PDE4D: variants seen among roughly 807,000 people sequenced by gnomAD.
The protein encoded by PDE4D is phosphodiesterase 4D.
A neutral mutation model predicts 87.4 loss-of-function variants in PDE4D; 24 were observed. The ratio of observed to expected loss-of-function variants is 0.27; its 90% CI spans 0.20 to 0.39. The LOEUF (loss-of-function observed/expected upper bound fraction) is 0.39, where lower values mean the gene tolerates loss of function less well. PDE4D is among the 10% of genes least tolerant of loss of function. PDE4D has a pLI of 1.00. For synonymous variants in PDE4D, 384 were observed against 383.2 expected (o/e 1.00, Z -0.02); for missense variants, 714 against 1,041.0 (o/e 0.69, Z 4.32).
chr5:59,677,946 C>T (rs1748380911), intron 1 of PDE4D, among the ~76,000 whole-genome samples: 1 of 152,228 alleles, frequency 6.6e-6, no homozygotes, highest in East Asian at 1.9e-4. Context: ...TTCTTGGGGA[C>T]CAAAAATCTC....
At chr5:59,520,620 G>A (rs1009171669) in intron 1 of PDE4D, among the ~76,000 whole-genome samples, 3 of 151,764 alleles carry the variant, frequency 2.0e-5, no homozygotes, top group Admixed American at 6.6e-5. Context: ...AGAGGAGAAC[G>A]ATTTAAGATG....
rs144130067 is a variant in PDE4D, at chr5:59,055,877, T to C, written c.809-16906A>G. 9.8e-5 allele frequency among the ~76,000 whole-genome samples: 15 copies of C among 152,334 alleles called. No individual in the cohort carries two copies. In the East Asian group the frequency reaches 2.9e-3, roughly 29 times the overall value. On this transcript the variant is annotated intron_variant, in intron 5 of 14. Transcript: ENST00000340635. ...AATACTTGTTGAACCCCACCAGTAA[T>C]ACGAGAAGCTTGGTATTCTATGAGG...
intron 1 of PDE4D, among the ~76,000 whole-genome samples, chr5:60,380,856 G>A (rs80337991): frequency 0.014 from 2,102 of 152,214 alleles, 52 homozygotes; most frequent in African/African-American, 0.048. Flanking sequence ...TCATTTAATC[G>A]TCTCAAAGGC....
chr5:60,009,336 T>A (rs991560132), intron 2 of PDE4D, among the ~76,000 whole-genome samples: 2 of 151,726 alleles, frequency 1.3e-5, no homozygotes, highest in Admixed American at 6.6e-5. Context: ...CTCACAAGAT[T>A]TTTTTTTAAG....
At chr5:59,914,876 T>G (rs1015494243) in intron 3 of PDE4D, among the ~76,000 whole-genome samples, 9 of 131,668 alleles carry the variant, frequency 6.8e-5, no homozygotes, top group African/African-American at 1.8e-4. Flanking sequence ...GGTGTGTGTG[T>G]GTGTGTGTGT....
intron 1 of PDE4D, among the ~76,000 whole-genome samples, chr5:59,343,834 A>G (rs1392227993): frequency 6.6e-6 from 1 of 152,158 alleles, no homozygotes; most frequent in Non-Finnish European, 1.5e-5. Flanking sequence ...CATGAAGTTA[A>G]GGTAACTTGT....
At chr5:59,933,423 T>C (rs1001316324) in intron 3 of PDE4D, among the ~76,000 whole-genome samples, 1 of 152,188 alleles carries the variant, frequency 6.6e-6, no homozygotes, top group Non-Finnish European at 1.5e-5. Flanking sequence ...AGTGAAACAC[T>C]ATACTCACTT....
At chr5:60,044,366 C>CT (rs56387023) in intron 2 of PDE4D, among the ~76,000 whole-genome samples, 75,284 of 151,280 alleles carry the variant, frequency 0.5, 19,184 homozygotes, top group East Asian at 0.83. Flanking sequence ...CTAGTTTTTC[C>CT]TTTTTTTTAT....
chr5:59,509,414 T>A (rs1809875000), intron 1 of PDE4D, among the ~76,000 whole-genome samples: 1 of 131,694 alleles, frequency 7.6e-6, no homozygotes. Flanking sequence ...AAAAGGATGG[T>A]CTCAGATGCA....
chr5:60,240,823 T>C (rs186171227), intron 1 of PDE4D, among the ~76,000 whole-genome samples: 2 of 152,212 alleles, frequency 1.3e-5, no homozygotes, highest in East Asian at 3.9e-4. Flanking sequence ...CATTACTAGG[T>C]TTGTGGTACC....
intron 1 of PDE4D, among the ~76,000 whole-genome samples, chr5:60,438,233 T>C (rs745858225): frequency 4.6e-5 from 7 of 152,036 alleles, no homozygotes; most frequent in Admixed American, 3.3e-4. Flanking sequence ...CAAGTAATAA[T>C]AGGGATCAAA....
At chr5:60,504,640 G>C (rs1750245624) in intron 1 of PDE4D, among the ~76,000 whole-genome samples, 1 of 152,192 alleles carries the variant, frequency 6.6e-6, no homozygotes, top group African/African-American at 2.4e-5. Context: ...ATTGACTTCA[G>C]TAAGCTCCAA....
intron 1 of PDE4D, among the ~76,000 whole-genome samples, chr5:59,389,782 T>C (rs1582320550): frequency 6.6e-6 from 1 of 152,122 alleles, no homozygotes; most frequent in African/African-American, 2.4e-5. Context: ...TTGTCACTCA[T>C]ATGTGGGAGC....
chr5:59,446,849 T>C (rs1039657456), intron 1 of PDE4D, among the ~76,000 whole-genome samples: 2 of 152,250 alleles, frequency 1.3e-5, no homozygotes, highest in East Asian at 1.9e-4. Context: ...ATGTGTGTAA[T>C]TTCCAGAGTC....
intron 1 of PDE4D, among the ~76,000 whole-genome samples, chr5:59,596,013 T>C (rs957416832): frequency 1.3e-5 from 2 of 150,620 alleles, no homozygotes; most frequent in Non-Finnish European, 3.0e-5. Flanking sequence ...TTAAAAATTA[T>C]ATATATATAT....
chr5:59,455,331 G>A (rs1394613188), intron 1 of PDE4D, among the ~76,000 whole-genome samples: 1 of 152,208 alleles, frequency 6.6e-6, no homozygotes, highest in African/African-American at 2.4e-5. Context: ...CACTTCAGCT[G>A]TGACTAAAAG....
chr5:59,195,815 G>T (rs866624451), intron 2 of PDE4D, among the ~76,000 whole-genome samples: 2 of 152,288 alleles, frequency 1.3e-5, no homozygotes, highest in African/African-American at 4.8e-5. Context: ...ATAATTAGCA[G>T]CAGTAGTAAA....
At chr5:59,323,106 G>A (rs980681615) in intron 1 of PDE4D, among the ~76,000 whole-genome samples, 1 of 152,036 alleles carries the variant, frequency 6.6e-6, no homozygotes, top group African/African-American at 2.4e-5. Flanking sequence ...AAGCTTGCTA[G>A]CAATCTAGAC....
At chr5:59,187,174 G>A (rs1001488207) in intron 3 of PDE4D, among the ~76,000 whole-genome samples, 2 of 152,074 alleles carry the variant, frequency 1.3e-5, no homozygotes, top group South Asian at 4.1e-4. Context: ...GGAAACATCA[G>A]TCATGAAAAG....
Sources: gnomAD v4.1 joint callset for allele counts (sites outside exome capture counted in the v4.1 genomes callset) on GRCh38, gnomAD v4.1.1 for gene constraint, MANE v1.5 for transcripts, NCBI Gene and HGNC (gene_info 2026-07-23, HGNC 2026-07-21) for gene names.